The following MTMR7 variants were observed in gnomAD, a reference collection of about 807,000 sequenced individuals.
MTMR7 encodes phosphatidylinositol-3-phosphate phosphatase MTMR7.
Under a neutral mutation model 81.2 loss-of-function variants are expected in MTMR7, and 76 were observed. The observed-to-expected ratio is 0.94, with a 90% CI of 0.78 to 1.13. MTMR7 has a LOEUF of 1.13. Among genes scored for constraint, MTMR7 ranks in the 50% most tolerant of loss-of-function variants. MTMR7 has a pLI of 0.00. For synonymous variants in MTMR7, 372 were observed against 289.8 expected (o/e 1.28, Z -2.88); for missense variants, 1,044 against 820.0 (o/e 1.27, Z -3.34).
intron 4 of MTMR7, among the ~76,000 whole-genome samples, chr8:17,350,238 T>C (rs1819686685): frequency 6.6e-6 from 1 of 152,172 alleles, no homozygotes; most frequent in Non-Finnish European, 1.5e-5. Context: ...CAAGTACGTC[T>C]AACAACAGGG....
chr8:17,413,234 C>T, intron 1 of MTMR7, 35 bp downstream of exon 1: 1 of 1,547,532 alleles, frequency 6.5e-7, no homozygotes, highest in Non-Finnish European at 8.7e-7. Flanking sequence ...CCCATCTCCT[C>T]CCGTCCCTCC....
intron 7 of MTMR7, among the ~76,000 whole-genome samples, chr8:17,329,127 A>G (rs532723879): frequency 1.3e-5 from 2 of 152,352 alleles, no homozygotes; most frequent in East Asian, 1.9e-4. Flanking sequence ...ATAATCATGA[A>G]TGAAACGCAT....
chr8:17,331,046 A>G (rs550571607), intron 7 of MTMR7, 104 bp downstream of exon 7: 2 of 1,352,456 alleles, frequency 1.5e-6, no homozygotes, highest in Middle Eastern at 1.8e-4. Flanking sequence ...TTCCCAAATT[A>G]TCACACCTAT....
In MTMR7 at chr8:17,400,205, G is replaced by C. The variant is rs1399112543; in HGVS notation, c.24+13064C>G. Among the ~76,000 whole-genome samples the C allele has an allele frequency of 2.6e-5, 4 of 152,228 alleles. No homozygotes were observed. In the East Asian group the frequency reaches 7.7e-4, roughly 29 times the overall value. On this transcript the variant is annotated intron_variant, in intron 1 of 13. Transcript: ENST00000180173. Reference sequence around the variant, plus strand: ...AATAGTACCGATAGTACTGATAAAAGAAAATTCTGAAATAACACTATAGCT... The same window carrying C: ...AATAGTACCGATAGTACTGATAAAACAAAATTCTGAAATAACACTATAGCT...
At chr8:17,313,891 A>T (rs1817922436) in intron 7 of MTMR7, among the ~76,000 whole-genome samples, 1 of 152,226 alleles carries the variant, frequency 6.6e-6, no homozygotes, top group Non-Finnish European at 1.5e-5. Flanking sequence ...TCTTAAATGA[A>T]AATGATCAAA....
intron 8 of MTMR7, among the ~76,000 whole-genome samples, chr8:17,312,248 A>G (rs953066423): frequency 2.0e-5 from 3 of 152,172 alleles, no homozygotes; most frequent in African/African-American, 7.2e-5. Flanking sequence ...AGCATTTATC[A>G]CTACCTAAAA....
At position 17,373,637 on chromosome 8, in the gene MTMR7, G is replaced by A. The variant is rs78195780; in HGVS notation, c.25-397C>T. On this transcript the variant is annotated intron_variant, in intron 1 of 13. Coordinates refer to ENST00000180173, the MANE Select transcript of MTMR7 (RefSeq NM_004686.5). Reference sequence around the variant, plus strand: ...ATTACATTCTATGAAAAAGAAAAAAGCACATTTTCCTATGTGTTTCTAGCT... The same window carrying A: ...ATTACATTCTATGAAAAAGAAAAAAACACATTTTCCTATGTGTTTCTAGCT... 0.026 allele frequency among the ~76,000 whole-genome samples: 3,989 copies of A among 152,212 alleles called. 446 individuals are homozygous for A. The East Asian group carries it at 0.31, about 12-fold the overall frequency.
chr8:17,379,810 T>C (rs1215988906), intron 1 of MTMR7, among the ~76,000 whole-genome samples: 1 of 152,176 alleles, frequency 6.6e-6, no homozygotes, highest in Admixed American at 6.5e-5. Flanking sequence ...TTTGTTTTTT[T>C]AATTAGGTAG....
At chr8:17,358,622 C>T (rs1391265081) in intron 4 of MTMR7, among the ~76,000 whole-genome samples, 1 of 152,090 alleles carries the variant, frequency 6.6e-6, no homozygotes, top group Non-Finnish European at 1.5e-5. Flanking sequence ...TGATGACATA[C>T]GTCTTCAAAA....
At chr8:17,352,526 T>C (rs1044515831) in intron 4 of MTMR7, among the ~76,000 whole-genome samples, 1 of 152,168 alleles carries the variant, frequency 6.6e-6, no homozygotes, top group Non-Finnish European at 1.5e-5. Flanking sequence ...ACAAGCTTTA[T>C]GACATTGGAG....
chr8:17,351,051 C>T (rs1375567114), intron 4 of MTMR7, among the ~76,000 whole-genome samples: 1 of 152,196 alleles, frequency 6.6e-6, no homozygotes, highest in East Asian at 1.9e-4. Context: ...AGTCAGCCAG[C>T]TAGAAGACTA....
At chr8:17,335,260 C>T (rs184243756) in intron 6 of MTMR7, among the ~76,000 whole-genome samples, 1 of 152,090 alleles carries the variant, frequency 6.6e-6, no homozygotes, top group Non-Finnish European at 1.5e-5. Context: ...TGGCCACATC[C>T]GTATCCTTCA....
intron 5 of MTMR7, 143 bp downstream of exon 5, chr8:17,348,810 G>T: frequency 1.1e-6 from 1 of 938,674 alleles, no homozygotes. Context: ...GTTGTATCAT[G>T]TCATACCATG....
intron 1 of MTMR7, among the ~76,000 whole-genome samples, chr8:17,406,889 T>G (rs1289977267): frequency 3.9e-5 from 6 of 152,136 alleles, no homozygotes; most frequent in Admixed American, 1.3e-4. Context: ...TGATTAAATT[T>G]AAAATGTCCA....
intron 1 of MTMR7, among the ~76,000 whole-genome samples, chr8:17,382,519 TAAAG>T (rs10569758): frequency 0.16 from 23,963 of 152,104 alleles, 2,651 homozygotes; most frequent in East Asian, 0.33. Flanking sequence ...TACTCAAAAA[TAAAG>T]ACTTTCATTT....
chr8:17,335,727 T>C (rs997918287), intron 6 of MTMR7, among the ~76,000 whole-genome samples: 1 of 152,244 alleles, frequency 6.6e-6, no homozygotes, highest in Non-Finnish European at 1.5e-5. Flanking sequence ...CTTGCAACTA[T>C]TCTCTACAAC....
chr8:17,313,242 C>T (rs1232180538), intron 8 of MTMR7, 50 bp downstream of exon 8: 1 of 1,381,054 alleles, frequency 7.2e-7, no homozygotes, highest in East Asian at 2.3e-5. Flanking sequence ...ATTTTGAAGT[C>T]AGTGGTTTGC....
chr8:17,383,379 C>T (rs1421741473), intron 1 of MTMR7, among the ~76,000 whole-genome samples: 1 of 152,148 alleles, frequency 6.6e-6, no homozygotes, highest in Admixed American at 6.5e-5. Context: ...ACAACTACTG[C>T]GCATCAGATA....
chr8:17,393,225 G>A (rs1212502843), intron 1 of MTMR7, among the ~76,000 whole-genome samples: 1 of 152,092 alleles, frequency 6.6e-6, no homozygotes, highest in Non-Finnish European at 1.5e-5. Flanking sequence ...ACTTCCACAT[G>A]CAAAACAATG....
Sources: allele counts gnomAD v4.1 joint callset (sites outside exome capture counted in the v4.1 genomes callset), GRCh38; gene constraint gnomAD v4.1.1; transcripts MANE v1.5; gene names NCBI Gene and HGNC (gene_info 2026-07-23, HGNC 2026-07-21).